ZNF600: variants seen among roughly 807,000 people sequenced by gnomAD.
ZNF600 encodes the protein zinc finger protein KR-ZNF1.
ZNF600 carries 4 observed loss-of-function variants against 7.3 expected under a neutral mutation model. That is an observed-to-expected ratio of 0.55 (90% CI 0.27 to 1.25). The LOEUF (loss-of-function observed/expected upper bound fraction) is 1.25, where lower values mean the gene tolerates loss of function less well. ZNF600 is among the 50% of genes most tolerant of loss of function. ZNF600 has a pLI of 0.12. For missense variants in ZNF600, 911 were observed against 922.1 expected, an observed-to-expected ratio of 0.99 and a Z score of 0.16; for synonymous variants, 290 against 308.9, an observed-to-expected ratio of 0.94 and a Z score of 0.64.
chr19:52,804,920 G>A, the ZNF600 span, among the ~76,000 whole-genome samples: 1 of 152,300 alleles, frequency 6.6e-6, no homozygotes. Context: ...TTAAGAGTCT[G>A]TACTGTAAAA....
At chr19:52,769,010 A>G (rs1427961832) in intron 3 of ZNF600, among the ~76,000 whole-genome samples, 2 of 152,202 alleles carry the variant, frequency 1.3e-5, no homozygotes, top group Admixed American at 1.3e-4. Context: ...CAAGAGTGCG[A>G]GCCTTCTGTT....
At chr19:52,823,644 T>C in the ZNF600 span, among the ~76,000 whole-genome samples, 1 of 152,324 alleles carries the variant, frequency 6.6e-6, no homozygotes, top group African/African-American at 2.4e-5. Context: ...TTGAATTATT[T>C]AACTTCCTAC....
chr19:52,810,624 A>G, the ZNF600 span: 2 of 1,432,458 alleles, frequency 1.4e-6, no homozygotes, highest in East Asian at 2.3e-5. Context: ...CCTGCTCTCC[A>G]TTCTACAGTG....
chr19:52,770,439 C>T (rs1383142202), intron 3 of ZNF600, among the ~76,000 whole-genome samples: 1 of 152,158 alleles, frequency 6.6e-6, no homozygotes, highest in Non-Finnish European at 1.5e-5. Context: ...TAGACTCCAT[C>T]TCAAATAAAT....
intron 3 of ZNF600, among the ~76,000 whole-genome samples, chr19:52,772,419 A>G (rs2062637452): frequency 6.6e-6 from 1 of 152,152 alleles, no homozygotes; most frequent in African/African-American, 2.4e-5. Flanking sequence ...CCTGGCCAAC[A>G]TGGTGAAACC....
At chr19:52,819,119 A>G in the ZNF600 span, among the ~76,000 whole-genome samples, 1 of 139,924 alleles carries the variant, frequency 7.1e-6, no homozygotes, top group Admixed American at 7.3e-5. Flanking sequence ...GATGTTTGAA[A>G]AAAGAGAAAA....
At chr19:52,804,738 C>T in the ZNF600 span, among the ~76,000 whole-genome samples, 234 of 152,182 alleles carry the variant, frequency 1.5e-3, 2 homozygotes, top group African/African-American at 5.4e-3. Flanking sequence ...CTCCTGACCT[C>T]AAGCGATCTA....
Position 52,783,604 on chromosome 19 carries a change from G to A in ZNF600, c.-20+2991C>T, listed in dbSNP as rs898956755. 4.6e-5 allele frequency among the ~76,000 whole-genome samples: 7 copies of A among 152,040 alleles called. No individual in the cohort carries two copies. The East Asian group carries it at 9.7e-4, about 21-fold the overall frequency. On this transcript the variant is annotated intron_variant, in intron 1 of 3. Coordinates refer to ENST00000648973, the Ensembl canonical transcript of ZNF600. ...TCTCAATCTCCTGACCTAGTGATCC[G>A]CCCGCCTCGGCCTCCCAAAGTGCTG...
chr19:52,823,789 G>A, the ZNF600 span, among the ~76,000 whole-genome samples: 3 of 152,022 alleles, frequency 2.0e-5, no homozygotes, highest in African/African-American at 7.3e-5. Context: ...CAGGCCAGGC[G>A]CGGTGGTTCA....
exon 4 of ZNF600, chr19:52,767,315 T>C (rs1385281636): frequency 6.2e-7 from 1 of 1,614,174 alleles, no homozygotes; most frequent in Non-Finnish European, 8.5e-7. Flanking sequence ...GTGGGAGTAG[T>C]GAAGAATTCG....
At chr19:52,800,904 A>T in the ZNF600 span, 2 of 1,614,052 alleles carry the variant, frequency 1.2e-6, no homozygotes, top group South Asian at 2.2e-5. Context: ...ATGTGTTTCA[A>T]GGTGTGATTT....
At chr19:52,806,067 TA>T in the ZNF600 span, 1 of 152,104 alleles carries the variant, frequency 6.6e-6, no homozygotes, top group Admixed American at 6.6e-5. Flanking sequence ...TTTTCATATT[TA>T]AAATAAAAGG....
At chr19:52,810,753 G>T in the ZNF600 span, 2 of 554,036 alleles carry the variant, frequency 3.6e-6, no homozygotes, top group East Asian at 2.9e-5. Context: ...AGGAAAGAAG[G>T]GGAAAAAAAA....
At chr19:52,801,066 C>T in the ZNF600 span, 7 of 1,614,156 alleles carry the variant, frequency 4.3e-6, no homozygotes, top group Middle Eastern at 1.6e-4. Flanking sequence ...TCTACGATGG[C>T]ATGCAAGGTA....
the ZNF600 span, among the ~76,000 whole-genome samples, chr19:52,830,950 A>C: frequency 7.0e-6 from 1 of 142,830 alleles, no homozygotes; most frequent in African/African-American, 2.7e-5. Flanking sequence ...CAAATGGTAA[A>C]ACATTGACCC....
the ZNF600 span, among the ~76,000 whole-genome samples, chr19:52,815,293 A>C: frequency 1.4e-5 from 2 of 144,558 alleles, no homozygotes; most frequent in Non-Finnish European, 3.0e-5. Flanking sequence ...AGGCTGCTGG[A>C]TCACCTGAAG....
At chr19:52,812,121 C>T in the ZNF600 span, among the ~76,000 whole-genome samples, 3 of 116,314 alleles carry the variant, frequency 2.6e-5, 1 homozygote, top group African/African-American at 9.3e-5. Context: ...CCTGGCCAGC[C>T]GCCCCGTCCG....
At chr19:52,793,924 A>T in the ZNF600 span, among the ~76,000 whole-genome samples, 115,452 of 152,152 alleles carry the variant, frequency 0.76, 45,237 homozygotes, top group Non-Finnish European at 0.87. Flanking sequence ...ATATTTCAAA[A>T]ACATGCTGTC....
chr19:52,787,588 C>T (rs185690927), upstream of ZNF600, among the ~76,000 whole-genome samples: 1 of 151,040 alleles, frequency 6.6e-6, no homozygotes, highest in Non-Finnish European at 1.5e-5. Flanking sequence ...ACCGGGCGCG[C>T]TGGCTCACAC....
Sources: allele counts gnomAD v4.1 joint callset (sites outside exome capture counted in the v4.1 genomes callset), GRCh38; gene constraint gnomAD v4.1.1; transcripts MANE v1.5; gene names NCBI Gene and HGNC (gene_info 2026-07-23, HGNC 2026-07-21).